C6orf118: variants seen among roughly 807,000 people sequenced by gnomAD.
The protein encoded by C6orf118 is uncharacterized protein C6orf118.
In C6orf118, 50 loss-of-function variants were observed where a neutral mutation model predicts 50.2. That is an observed-to-expected ratio of 1.00 (90% confidence interval 0.79 to 1.26). C6orf118 has a LOEUF of 1.26. Ranked by LOEUF, C6orf118 falls within the 50% of genes most tolerant of loss-of-function variation. C6orf118 has a pLI of 0.00. For synonymous variants in C6orf118, 239 were observed against 230.9 expected, an observed-to-expected ratio of 1.03 and a Z score of -0.32; for missense variants, 641 against 578.7, an observed-to-expected ratio of 1.11 and a Z score of -1.10.
intron 7 of C6orf118, among the ~76,000 whole-genome samples, chr6:165,289,174 CAAAAAAAAAAAGA>C (rs1461110084): frequency 9.1e-5 from 12 of 131,398 alleles, no homozygotes; most frequent in Admixed American, 2.3e-4. Flanking sequence ...GTCCCCCCTC[CAAAAAAAAAAAGA>C]AAAAGAAAAA....
intron 7 of C6orf118, among the ~76,000 whole-genome samples, chr6:165,282,797 T>C (rs1779772687): frequency 1.3e-5 from 2 of 152,068 alleles, no homozygotes; most frequent in Non-Finnish European, 2.9e-5. Context: ...TAAAGTAATA[T>C]AAATTAGTGA....
At chr6:165,296,577 C>G (rs1780319458) in intron 5 of C6orf118, among the ~76,000 whole-genome samples, 1 of 152,108 alleles carries the variant, frequency 6.6e-6, no homozygotes, top group Non-Finnish European at 1.5e-5. Flanking sequence ...GCCTTCTTGC[C>G]CTAAACCCAC....
At chr6:165,304,707 G>T (rs1780661554) in intron 1 of C6orf118, among the ~76,000 whole-genome samples, 1 of 83,910 alleles carries the variant, frequency 1.2e-5, no homozygotes. Flanking sequence ...AATCATGAGT[G>T]AACTCCCATT....
chr6:165,295,354 C>T (rs1780252410), intron 5 of C6orf118, among the ~76,000 whole-genome samples: 1 of 152,112 alleles, frequency 6.6e-6, no homozygotes, highest in Admixed American at 6.5e-5. Flanking sequence ...GTTTTCATGT[C>T]CTGAAATGCT....
intron 7 of C6orf118, among the ~76,000 whole-genome samples, chr6:165,285,119 T>C (rs1277162403): frequency 2.6e-5 from 4 of 151,996 alleles, no homozygotes; most frequent in Non-Finnish European, 5.9e-5. Flanking sequence ...GAGTGGAGGA[T>C]AACTTACCAA....
chr6:165,307,567 A>AT lies in C6orf118; in HGVS notation c.25+1994_25+1995insA, dbSNP rs1277499597. 4.9e-5 allele frequency among the ~76,000 whole-genome samples: 7 copies of AT among 143,730 alleles called. No homozygotes were observed. The East Asian group carries it at 1.4e-3, about 29-fold the overall frequency. 94.3% of individuals were successfully genotyped at this position (143,730 alleles called of 152,430 possible). On this transcript the variant is annotated intron_variant, in intron 1 of 8. Transcript: ENST00000230301. ...AGTGAGACTGCCTCAAAAAAAAAAA[A>AT]AATTTTTTTTAATCACTGTCCCATG...
chr6:165,302,399 C>T (rs750457468), intron 1 of C6orf118, 103 bp from the exon 2 acceptor site: 39 of 1,409,320 alleles, frequency 2.8e-5, no homozygotes, highest in Non-Finnish European at 3.4e-5. Context: ...AAAAGAGGGT[C>T]TATGGAGAAA....
intron 4 of C6orf118, 54 bp from the exon 5 acceptor site, chr6:165,298,155 A>T (rs545060265): frequency 7.5e-5 from 113 of 1,500,550 alleles, no homozygotes; most frequent in Non-Finnish European, 9.7e-5. Flanking sequence ...GGGCGGGAGG[A>T]CTCCCTTTCT....
intron 6 of C6orf118, among the ~76,000 whole-genome samples, chr6:165,290,969 C>A (rs111406837): frequency 0.019 from 2,949 of 152,182 alleles, 49 homozygotes; most frequent in Middle Eastern, 0.037. Flanking sequence ...ATGGCAGCAG[C>A]CAAAGAGAGA....
rs61733403 is a variant in C6orf118, at chr6:165,298,024, C to T, written c.1014G>A (p.Leu338=). 5,282 of 1,613,982 alleles carry T rather than the reference C, an allele frequency of 3.3e-3. 152 individuals carry two copies. In the African/African-American group the frequency reaches 0.062, roughly 19 times the overall value. Residue 338 remains leucine, a synonymous_variant, in exon 5 of 9, where the codon CTG becomes CTA. Transcript: ENST00000230301. ...TADMDLAREE[L]RMLVTATKAA... ...CTTTTGTGGCTGTCACGAGCATCCT[C>T]AGCTCTTCCCTGGCGAGATCCATGT...
At chr6:165,281,453 G>C in intron 8 of C6orf118, 187 bp downstream of exon 8, 1 of 1,298,978 alleles carries the variant, frequency 7.7e-7, no homozygotes, top group Non-Finnish European at 1.0e-6. Flanking sequence ...TACTGCTCTA[G>C]TTCTTTTATC....
At chr6:165,299,023 A>G (rs1175591253) in intron 4 of C6orf118, among the ~76,000 whole-genome samples, 1 of 152,200 alleles carries the variant, frequency 6.6e-6, no homozygotes, top group Admixed American at 6.5e-5. Flanking sequence ...GTTTAACCCG[A>G]CCCTGGAAGG....
intron 2 of C6orf118, among the ~76,000 whole-genome samples, chr6:165,300,837 T>C (rs568248500): frequency 2.4e-4 from 37 of 152,138 alleles, no homozygotes; most frequent in African/African-American, 8.2e-4. Flanking sequence ...TTCTTCTCTT[T>C]CGTGCATCGT....
At chr6:165,302,536 C>T (rs1218261844) in intron 1 of C6orf118, among the ~76,000 whole-genome samples, 2 of 152,014 alleles carry the variant, frequency 1.3e-5, no homozygotes, top group East Asian at 3.9e-4. Context: ...AGCTCAGGAC[C>T]GTCAAAGCCA....
At chr6:165,300,335 C>T (rs1780471269) in intron 3 of C6orf118, 29 bp downstream of exon 3, 1 of 1,612,652 alleles carries the variant, frequency 6.2e-7, no homozygotes, top group Non-Finnish European at 8.5e-7. Flanking sequence ...AGCTTCTCAA[C>T]TGTTATGCTG....
intron 1 of C6orf118, 25 bp from the exon 2 acceptor site, chr6:165,302,321 C>G (rs1780589164): frequency 6.2e-7 from 1 of 1,600,032 alleles, no homozygotes; most frequent in African/African-American, 1.4e-5. Flanking sequence ...AAAGGAGGCT[C>G]TTAGGGATCG....
chr6:165,283,766 A>G (rs1335228649), intron 7 of C6orf118, among the ~76,000 whole-genome samples: 1 of 152,122 alleles, frequency 6.6e-6, no homozygotes, highest in Non-Finnish European at 1.5e-5. Flanking sequence ...AACAAACAGA[A>G]AGCAACAACA....
chr6:165,290,800 G>A (rs562526942), intron 6 of C6orf118, among the ~76,000 whole-genome samples: 2 of 152,254 alleles, frequency 1.3e-5, no homozygotes, highest in South Asian at 2.1e-4. Context: ...GATCGGGTCA[G>A]GGTATGTATT....
intron 3 of C6orf118, 106 bp downstream of exon 3, chr6:165,300,258 G>T: frequency 1.5e-6 from 2 of 1,333,338 alleles, no homozygotes; most frequent in African/African-American, 1.5e-5. Flanking sequence ...CTGTAGAAGG[G>T]GGCCTGTGAT....
Sources: gnomAD v4.1 joint callset for allele counts (sites outside exome capture counted in the v4.1 genomes callset) on GRCh38, gnomAD v4.1.1 for gene constraint, MANE v1.5 for transcripts, NCBI Gene and HGNC (gene_info 2026-07-23, HGNC 2026-07-21) for gene names.